The following FBXW7 variants were observed in gnomAD, a reference collection of about 807,000 sequenced individuals.
FBXW7 encodes the protein F-box/WD repeat-containing protein 7.
Under a neutral mutation model 86.3 loss-of-function variants are expected in FBXW7, and 11 were observed. That is an observed-to-expected ratio of 0.13 (90% CI 0.08 to 0.21). The LOEUF (loss-of-function observed/expected upper bound fraction) is 0.21, where lower values mean the gene tolerates loss of function less well. FBXW7 is among the 10% of genes least tolerant of loss of function. The probability of loss-of-function intolerance (pLI) is 1.00; values close to 1 mark genes in which losing one functional copy is unlikely to be tolerated. For synonymous variants in FBXW7, 313 were observed against 297.9 expected (o/e 1.05, Z -0.52); for missense variants, 488 against 847.4 (o/e 0.58, Z 5.27).
At chr4:152,502,228 ATT>A (rs1448261096) in intron 2 of FBXW7, among the ~76,000 whole-genome samples, 1 of 152,116 alleles carries the variant, frequency 6.6e-6, no homozygotes, top group Non-Finnish European at 1.5e-5. Flanking sequence ...GTTGTACTTA[ATT>A]TAAATTTAAA....
rs762119694 is a variant in FBXW7 at position 152,322,845 on chromosome 4, G to A, written c.*36C>T. 20 of 1,608,960 alleles carry A rather than the reference G, an allele frequency of 1.2e-5. No homozygotes were observed. Among genetic ancestry groups the A allele is most frequent in the Admixed American group, 6.7e-5 (4 of 59,744 alleles). On this transcript the variant is annotated 3_prime_UTR_variant, in exon 14 of 14. Coordinates refer to ENST00000281708, the MANE Select transcript of FBXW7 (RefSeq NM_001349798.2). ...CAGGGGGAAGGGCAGGGAGTATATC[G>A]TCTACACAATTGGACAAATTCATCT...
At chr4:152,470,252 T>C (rs1474913313) in intron 2 of FBXW7, among the ~76,000 whole-genome samples, 3 of 152,122 alleles carry the variant, frequency 2.0e-5, no homozygotes, top group Non-Finnish European at 2.9e-5. Flanking sequence ...TACTAGACCA[T>C]GTAAAGAATG....
At chr4:152,387,729 G>C (rs1210048207) in intron 4 of FBXW7, among the ~76,000 whole-genome samples, 9 of 77,508 alleles carry the variant, frequency 1.2e-4, no homozygotes, top group African/African-American at 5.2e-4. Context: ...TTTTTTTTGA[G>C]ACTGAGTCTT....
chr4:152,394,885 T>TC (rs1560844264), intron 4 of FBXW7, among the ~76,000 whole-genome samples: 2 of 152,000 alleles, frequency 1.3e-5, no homozygotes, highest in South Asian at 2.1e-4. Context: ...CATTTGAAAA[T>TC]CCCCCCGTAG....
chr4:152,454,659 C>A (rs761257802), intron 2 of FBXW7, among the ~76,000 whole-genome samples: 2 of 151,798 alleles, frequency 1.3e-5, no homozygotes, highest in Non-Finnish European at 2.9e-5. Flanking sequence ...TTAAAAAAAA[C>A]TAAACACTGA....
intron 2 of FBXW7, among the ~76,000 whole-genome samples, chr4:152,423,982 AG>A (rs917246063): frequency 3.9e-5 from 6 of 152,170 alleles, no homozygotes; most frequent in Admixed American, 6.5e-5. Context: ...TCCAGATTTG[AG>A]GGGGGAAAAC....
At chr4:152,343,522 T>C (rs1274055022) in intron 6 of FBXW7, among the ~76,000 whole-genome samples, 1 of 152,220 alleles carries the variant, frequency 6.6e-6, no homozygotes, top group East Asian at 1.9e-4. Context: ...TATATATTAA[T>C]GAAATTATTG....
chr4:152,423,452 G>C (rs1032063678), intron 2 of FBXW7, among the ~76,000 whole-genome samples: 1 of 152,058 alleles, frequency 6.6e-6, no homozygotes, highest in Non-Finnish European at 1.5e-5. Context: ...CTAAATTTTA[G>C]ATTGGAGAAA....
At chr4:152,374,616 A>G (rs1734314301) in intron 4 of FBXW7, among the ~76,000 whole-genome samples, 1 of 152,124 alleles carries the variant, frequency 6.6e-6, no homozygotes, top group Non-Finnish European at 1.5e-5. Context: ...TGGAAGCATA[A>G]AAAGGTATTA....
chr4:152,503,332 G>A (rs777471446), intron 2 of FBXW7, among the ~76,000 whole-genome samples: 2 of 151,732 alleles, frequency 1.3e-5, no homozygotes, highest in Admixed American at 1.3e-4. Context: ...GTGCAGTGGC[G>A]CAATCTCGGC....
rs1560818456 is a variant in FBXW7, at chr4:152,372,208, ATATATG to A, written c.502-22090_502-22085del. ...GTTAATAAACTTTAGGTACTCATCT[ATATATG>A]TATGTTTTAAAGTATTTAATATGCA... On this transcript the variant is annotated intron_variant, in intron 4 of 13. Coordinates refer to ENST00000281708, the MANE Select transcript of FBXW7 (RefSeq NM_001349798.2). Among the ~76,000 whole-genome samples, 8 of 152,052 alleles carry A rather than the reference ATATATG, an allele frequency of 5.3e-5. No individual in the cohort carries two copies. The South Asian group carries it at 1.7e-3, about 31-fold the overall frequency.
chr4:152,464,675 A>T (rs962490131), intron 2 of FBXW7, among the ~76,000 whole-genome samples: 2 of 152,230 alleles, frequency 1.3e-5, no homozygotes, highest in African/African-American at 4.8e-5. Flanking sequence ...GAAGAAATGA[A>T]CAGTTGTAAT....
chr4:152,415,482 C>A (rs896782136), intron 2 of FBXW7, among the ~76,000 whole-genome samples: 3 of 152,078 alleles, frequency 2.0e-5, no homozygotes, highest in African/African-American at 4.8e-5. Context: ...AGGATTTTCA[C>A]TGAATTCTTA....
At chr4:152,455,294 A>ACTGTAGTCACATAAC (rs1246538885) in intron 2 of FBXW7, among the ~76,000 whole-genome samples, 1 of 152,222 alleles carries the variant, frequency 6.6e-6, no homozygotes, top group Non-Finnish European at 1.5e-5. Flanking sequence ...ACAGGACGGA[A>ACTGTAGTCACATAAC]TTCAGGTAAA....
chr4:152,489,784 C>T (rs188735603), intron 2 of FBXW7, among the ~76,000 whole-genome samples: 16 of 152,098 alleles, frequency 1.1e-4, no homozygotes, highest in Admixed American at 1.0e-3. Context: ...TGAGCACTGT[C>T]TTTTATGCTT....
intron 2 of FBXW7, among the ~76,000 whole-genome samples, chr4:152,464,263 G>A (rs897127100): frequency 3.3e-5 from 5 of 152,154 alleles, no homozygotes; most frequent in African/African-American, 7.2e-5. Context: ...AGGAAGTAAC[G>A]TACTTTTCAA....
chr4:152,484,410 T>C (rs1191649361), intron 2 of FBXW7, among the ~76,000 whole-genome samples: 1 of 152,122 alleles, frequency 6.6e-6, no homozygotes, highest in Non-Finnish European at 1.5e-5. Flanking sequence ...GCACAGTATC[T>C]ACTTGAGGGG....
chr4:152,515,327 A>T (rs573564128), intron 2 of FBXW7, among the ~76,000 whole-genome samples: 1 of 152,364 alleles, frequency 6.6e-6, no homozygotes, highest in East Asian at 1.9e-4. Context: ...GCCTGAAGCG[A>T]GGGTGCAGGG....
chr4:152,461,277 T>C (rs1479076343), intron 2 of FBXW7, among the ~76,000 whole-genome samples: 1 of 152,074 alleles, frequency 6.6e-6, no homozygotes, highest in Non-Finnish European at 1.5e-5. Context: ...TAAAATATAA[T>C]ATAAAAATTT....
Sources: gnomAD v4.1 joint callset for allele counts (sites outside exome capture counted in the v4.1 genomes callset) on GRCh38, gnomAD v4.1.1 for gene constraint, MANE v1.5 for transcripts, NCBI Gene and HGNC (gene_info 2026-07-23, HGNC 2026-07-21) for gene names.